P2RY8: variants seen among roughly 807,000 people sequenced by gnomAD.
P2RY8 encodes the protein P2Y receptor family member 8.
Under a neutral mutation model 10.0 loss-of-function variants are expected in P2RY8, and 6 were observed. That is an observed-to-expected ratio of 0.60 (90% CI 0.33 to 1.19). The LOEUF (loss-of-function observed/expected upper bound fraction) is 1.19. Among genes scored for constraint, P2RY8 ranks in the 50% most tolerant of loss-of-function variants. The pLI is 0.04. For missense variants in P2RY8, 456 were observed against 542.0 expected, an observed-to-expected ratio of 0.84 and a Z score of 1.58; for synonymous variants, 276 against 252.5, an observed-to-expected ratio of 1.09 and a Z score of -0.88.
At chrX:1,510,614 A>C (rs767543425) in intron 1 of P2RY8, among the ~76,000 whole-genome samples, 2 of 151,820 alleles carry the variant, frequency 1.3e-5, no homozygotes, top group East Asian at 3.9e-4. Flanking sequence ...GCAGTGGCTC[A>C]TGCCTGTAAT....
chrX:1,492,430 C>T (rs1226577707), intron 1 of P2RY8, among the ~76,000 whole-genome samples: 3 of 152,056 alleles, frequency 2.0e-5, no homozygotes, highest in East Asian at 1.9e-4. Context: ...GATGGGGACC[C>T]CAGGCTACCA....
At chrX:1,476,578 C>G (rs1184567307) in intron 1 of P2RY8, among the ~76,000 whole-genome samples, 1 of 144,632 alleles carries the variant, frequency 6.9e-6, no homozygotes, top group African/African-American at 2.5e-5. Flanking sequence ...CAAAGTGAGA[C>G]TCTGCCTCAA....
At chrX:1,530,125 C>CTATGTATG (rs1164291365) in intron 1 of P2RY8, among the ~76,000 whole-genome samples, 2 of 40,926 alleles carry the variant, frequency 4.9e-5, no homozygotes, top group African/African-American at 1.5e-4. Context: ...ATCTATGCAT[C>CTATGTATG]TATGTATGTA....
intron 1 of P2RY8, among the ~76,000 whole-genome samples, chrX:1,509,535 C>CCATCCATA (rs1201900954): frequency 7.2e-6 from 1 of 137,998 alleles, no homozygotes; most frequent in Non-Finnish European, 1.5e-5. Flanking sequence ...ATCCATCCAT[C>CCATCCATA]CATCCATCCA....
At chrX:1,468,265 A>G (rs2149373090) in intron 1 of P2RY8, among the ~76,000 whole-genome samples, 1 of 152,324 alleles carries the variant, frequency 6.6e-6, no homozygotes, top group South Asian at 2.1e-4. Flanking sequence ...CTCTCCACGT[A>G]GGCAGCAGTG....
At chrX:1,476,361 G>A (rs1318616479) in intron 1 of P2RY8, among the ~76,000 whole-genome samples, 3 of 151,974 alleles carry the variant, frequency 2.0e-5, no homozygotes, top group Admixed American at 6.6e-5. Context: ...CAGATCATGA[G>A]GTCAGGAGAT....
intron 1 of P2RY8, among the ~76,000 whole-genome samples, chrX:1,515,311 T>G (rs1238437578): frequency 6.6e-6 from 1 of 152,022 alleles, no homozygotes; most frequent in Non-Finnish European, 1.5e-5. Context: ...CTACAGTTCA[T>G]TGGGTTTAGA....
chrX:1,468,363 C>T (rs1365641405), intron 1 of P2RY8, among the ~76,000 whole-genome samples: 2 of 152,228 alleles, frequency 1.3e-5, no homozygotes, highest in Admixed American at 6.5e-5. Flanking sequence ...CCTGTGTGGT[C>T]TGGGGATCCA....
chrX:1,525,859 A>T (rs1430765151), intron 1 of P2RY8, among the ~76,000 whole-genome samples: 1 of 151,536 alleles, frequency 6.6e-6, no homozygotes, highest in African/African-American at 2.4e-5. Context: ...TCACTCATTC[A>T]TCTATTCATT....
In P2RY8 at chrX:1,465,355, C is replaced by T. The variant is rs2091649666; in HGVS notation, c.*124G>A. The T allele has an allele frequency of 4.8e-6, 7 of 1,453,508 alleles. No individual in the cohort carries two copies. The highest frequency in any genetic ancestry group is 4.2e-5 in the African/African-American group (3 of 70,692). 90.0% of individuals were successfully genotyped at this position (1,453,508 alleles called of 1,614,324 possible). A position where few individuals can be genotyped will look rare whatever the true frequency, so the allele number is the denominator to read the frequency against. ...ATAAAGCCTGGAGACCCTTCCCCACCGGGCCTCTGCAGTGCCTGGGAGCAA... is the reference window on the plus strand; with the variant it reads ...ATAAAGCCTGGAGACCCTTCCCCACTGGGCCTCTGCAGTGCCTGGGAGCAA... On this transcript the variant is annotated 3_prime_UTR_variant, in exon 2 of 2. Transcript: ENST00000381297.
intron 1 of P2RY8, among the ~76,000 whole-genome samples, chrX:1,504,296 A>G (rs2092209514): frequency 6.9e-6 from 1 of 144,336 alleles, no homozygotes; most frequent in Non-Finnish European, 1.5e-5. Context: ...AGCCTGGGCA[A>G]CAGACCAAGA....
intron 1 of P2RY8, among the ~76,000 whole-genome samples, chrX:1,483,539 CAGG>C (rs1397243374): frequency 6.6e-6 from 1 of 152,094 alleles, no homozygotes; most frequent in Non-Finnish European, 1.5e-5. Flanking sequence ...GAGGCTGAGG[CAGG>C]AGAATTGCTT....
At position 1,465,090 on chromosome X, in the gene P2RY8, C is replaced by T. The variant is rs1378561233; in HGVS notation, c.*389G>A. The T allele has an allele frequency of 2.1e-5, 6 of 280,768 alleles. No homozygotes were observed. The highest frequency in any genetic ancestry group is 9.4e-5 in the Admixed American group (2 of 21,244). 17.4% of individuals were successfully genotyped at this position (280,768 alleles called of 1,614,324 possible). A position where few individuals can be genotyped will look rare whatever the true frequency, so the allele number is the denominator to read the frequency against. Reference sequence around the variant, plus strand: ...GTGGGGCTGGTTGAATATCCACCCTCGGGTATGGACAGGTGTGAGGAGTGT... The same window carrying T: ...GTGGGGCTGGTTGAATATCCACCCTTGGGTATGGACAGGTGTGAGGAGTGT... On this transcript the variant is annotated 3_prime_UTR_variant, in exon 2 of 2. Coordinates refer to ENST00000381297, the MANE Select transcript of P2RY8 (RefSeq NM_178129.5).
At chrX:1,472,687 G>GA (rs2091804899) in intron 1 of P2RY8, among the ~76,000 whole-genome samples, 1 of 89,638 alleles carries the variant, frequency 1.1e-5, no homozygotes, top group African/African-American at 4.6e-5. Context: ...TGGATGGGTG[G>GA]ATGGGTGGGA....
At chrX:1,467,744 G>A (rs1397788597) in intron 1 of P2RY8, among the ~76,000 whole-genome samples, 7 of 152,288 alleles carry the variant, frequency 4.6e-5, no homozygotes, top group African/African-American at 7.2e-5. Context: ...TAGTGCAAAC[G>A]TAACTCACTG....
In P2RY8 at chrX:1,462,862, A is replaced by C. The variant is rs2091603314; in HGVS notation, c.*2617T>G. 1 of 232,760 alleles carries C rather than the reference A, an allele frequency of 4.3e-6. No homozygotes were observed. Among genetic ancestry groups the C allele is most frequent in the Non-Finnish European group, 8.5e-6 (1 of 117,964 alleles). The allele number at this position is 232,760 out of a possible 1,614,324, so 14.4% of individuals were successfully genotyped here. A position where few individuals can be genotyped will look rare whatever the true frequency, so the allele number is the denominator to read the frequency against. On this transcript the variant is annotated 3_prime_UTR_variant, in exon 2 of 2. Coordinates refer to ENST00000381297, the MANE Select transcript of P2RY8 (RefSeq NM_178129.5). ...GTCAATAGACCTGTGTTATCTTTTC[A>C]CTCAAAGCTCAACCAGTGAACAGAC...
intron 1 of P2RY8, among the ~76,000 whole-genome samples, chrX:1,490,243 T>G (rs1304816915): frequency 1.8e-5 from 2 of 111,612 alleles, no homozygotes; most frequent in Admixed American, 8.1e-5. Context: ...TACCCAGATA[T>G]TCCCCACAAA....
At chrX:1,480,767 C>A (rs1381351364) in intron 1 of P2RY8, among the ~76,000 whole-genome samples, 3 of 151,860 alleles carry the variant, frequency 2.0e-5, no homozygotes, top group African/African-American at 7.3e-5. Flanking sequence ...ACCTGTACAC[C>A]TATGTAACAA....
chrX:1,492,380 G>C (rs1379050117), intron 1 of P2RY8, among the ~76,000 whole-genome samples: 2 of 152,172 alleles, frequency 1.3e-5, no homozygotes, highest in Non-Finnish European at 2.9e-5. Flanking sequence ...TGCCAGGAGA[G>C]AGAGGGTGTC....
Sources: gnomAD v4.1 joint callset for allele counts (sites outside exome capture counted in the v4.1 genomes callset) on GRCh38, gnomAD v4.1.1 for gene constraint, MANE v1.5 for transcripts, NCBI Gene and HGNC (gene_info 2026-07-23, HGNC 2026-07-21) for gene names.